The following SAMSN1 variants were observed in gnomAD, a reference collection of about 807,000 sequenced individuals.
SAMSN1 encodes the protein SAM domain, SH3 domain and nuclear localization signals 1.
Under a neutral mutation model 42.0 loss-of-function variants are expected in SAMSN1, and 31 were observed. The observed-to-expected ratio is 0.74, with a 90% CI of 0.55 to 1.00. SAMSN1 has a LOEUF of 1.00. SAMSN1 is among the 50% of genes least tolerant of loss of function. The probability of loss-of-function intolerance (pLI) is 0.00; values close to 1 mark genes in which losing one functional copy is unlikely to be tolerated. For synonymous variants in SAMSN1, 178 were observed against 151.9 expected (o/e 1.17, Z -1.26); for missense variants, 464 against 439.4 (o/e 1.06, Z -0.50).
intron 7 of SAMSN1, among the ~76,000 whole-genome samples, chr21:14,497,983 A>G (rs1986980794): frequency 6.6e-6 from 1 of 152,236 alleles, no homozygotes; most frequent in Non-Finnish European, 1.5e-5. Context: ...TTGAAAGAGT[A>G]CTATAAACAT....
chr21:14,619,707 A>G, intron 2 of SAMSN1: 1 of 303,896 alleles, frequency 3.3e-6, no homozygotes, highest in Non-Finnish European at 7.1e-6. Flanking sequence ...AAGATAAAAT[A>G]ATACACACTT....
At chr21:14,508,546 T>C (rs1003362317) in intron 5 of SAMSN1, among the ~76,000 whole-genome samples, 1 of 152,004 alleles carries the variant, frequency 6.6e-6, no homozygotes, top group African/African-American at 2.4e-5. Flanking sequence ...AATCAAAAAA[T>C]TAAAAAATTG....
At chr21:14,625,108 G>C (rs1393960975) in intron 2 of SAMSN1, among the ~76,000 whole-genome samples, 2 of 152,020 alleles carry the variant, frequency 1.3e-5, no homozygotes, top group Non-Finnish European at 2.9e-5. Context: ...CAATAAATTA[G>C]GTATTGATGG....
Position 14,577,257 on chromosome 21 carries a change from TATATATATATATATATATATATATATA to T in SAMSN1, c.261+4852_261+4878del, listed in dbSNP as rs1488359025. Among the ~76,000 whole-genome samples the T allele has an allele frequency of 3.2e-3, 138 of 42,960 alleles. 8 individuals are homozygous for T. The highest frequency in any genetic ancestry group is 0.011 in the African/African-American group (81 of 7,580). 28.2% of individuals were successfully genotyped at this position (42,960 alleles called of 152,430 possible). ...ATGTGTGTATATATATATATATATA[TATATATATATATATATATATATATATA>T]TTTTTTTTTTAGAAGAGACAGGGTT... is the stretch of plus-strand genomic sequence containing the variant. On this transcript the variant is annotated intron_variant, in intron 2 of 8. Transcript: ENST00000285670.
At position 14,521,220 on chromosome 21, in the gene SAMSN1, C is replaced by T. The variant is rs373188793; in HGVS notation, c.59G>A (p.Arg20Gln). 1.8e-5 allele frequency: 29 copies of T among 1,607,366 alleles called. No homozygotes were observed. Among genetic ancestry groups the T allele is most frequent in the African/African-American group, 8.0e-5 (6 of 74,680 alleles). The change falls in exon 2 of 8, where the codon CGA becomes CAA. Residue 20 changes from arginine (R) to glutamine (Q), a missense_variant and splice_region_variant. Coordinates refer to ENST00000400566, the MANE Select transcript of SAMSN1 (RefSeq NM_022136.5). ...ATCGAAATTCCCAAAACTGCTGCTTCGCTATAAAATAGAAAAGAAAAAGCA... is the reference window on the plus strand; with the variant it reads ...ATCGAAATTCCCAAAACTGCTGCTTTGCTATAAAATAGAAAAGAAAAAGCA... ...SEKEKHQKPKRSSSFGNFDRF... is the reference protein window; with the variant it reads ...SEKEKHQKPKQSSSFGNFDRF...
At chr21:14,635,746 A>G (rs1242798511) in intron 2 of SAMSN1, among the ~76,000 whole-genome samples, 1 of 151,934 alleles carries the variant, frequency 6.6e-6, no homozygotes, top group African/African-American at 2.4e-5. Flanking sequence ...GGCAATGATC[A>G]TTAACATGCA....
At position 14,615,869 on chromosome 21, in the gene SAMSN1, A is replaced by G. The variant is rs1185507269; in HGVS notation, c.197+107T>C. On this transcript the variant is annotated intron_variant, in intron 3 of 15. Transcript: ENST00000647101. ...GATTTGTACATGACAGCTGCAAAAA[A>G]AAAAAAAAAAAAAAAAAAAGTACTT... 5 of 282,820 alleles carry G rather than the reference A, an allele frequency of 1.8e-5. No homozygotes were observed. The East Asian group carries it at 2.3e-4, about 13-fold the overall frequency. 17.5% of individuals were successfully genotyped at this position (282,820 alleles called of 1,614,324 possible). A position where few individuals can be genotyped will look rare whatever the true frequency, so the allele number is the denominator to read the frequency against.
At chr21:14,612,131 G>T (rs192050467) in intron 4 of SAMSN1, among the ~76,000 whole-genome samples, 2 of 152,182 alleles carry the variant, frequency 1.3e-5, no homozygotes, top group Admixed American at 6.5e-5. Flanking sequence ...TACTCTGGGG[G>T]CTGAGGCAGG....
In SAMSN1 at chr21:14,605,927, C is replaced by T. The variant is rs1029989951; in HGVS notation, c.322+3555G>A. The stretch of plus-strand genomic sequence containing the variant: ...CGCGATCTGGGTTCACTGCAAGCTC[C>T]GCCTCCCAGGTTCACGCCATTCTCC... On this transcript the variant is annotated intron_variant, in intron 5 of 15. Transcript: ENST00000647101. Among the ~76,000 whole-genome samples, 11 of 151,624 alleles carry T rather than the reference C, an allele frequency of 7.3e-5. 1 individual carries two copies. Among genetic ancestry groups the T allele is most frequent in the Admixed American group, 2.6e-4 (4 of 15,202 alleles).
intron 5 of SAMSN1, among the ~76,000 whole-genome samples, chr21:14,508,990 C>A (rs927109045): frequency 6.6e-5 from 10 of 151,828 alleles, no homozygotes; most frequent in African/African-American, 2.4e-4. Context: ...TAGCTGGGTG[C>A]GGTGGCCTCC....
At chr21:14,618,604 G>A (rs140321635) in intron 2 of SAMSN1, among the ~76,000 whole-genome samples, 115 of 152,108 alleles carry the variant, frequency 7.6e-4, no homozygotes, top group African/African-American at 2.7e-3. Flanking sequence ...TCCTAGAGGG[G>A]CAAGTCAAAG....
At chr21:14,495,964 T>C (rs1986899687) in intron 7 of SAMSN1, 1 of 152,180 alleles carries the variant, frequency 6.6e-6, no homozygotes, top group African/African-American at 2.4e-5. Context: ...GTTCTTTTGC[T>C]AGCATAGAAA....
chr21:14,523,137 A>G (rs1433542689), intron 1 of SAMSN1: 1 of 152,180 alleles, frequency 6.6e-6, no homozygotes, highest in African/African-American at 2.4e-5. Flanking sequence ...TTGTCCTTTC[A>G]GAAATCACAG....
In SAMSN1 at chr21:14,485,931, A is replaced by C. The variant is rs1986415010; in HGVS notation, c.1103T>G (p.Ile368Ser). Residue 368 changes from isoleucine (I) to serine (S), a missense_variant, in exon 8 of 8, where the codon ATC (isoleucine) becomes AGC (serine). By Grantham distance (142) the Ile-to-Ser change is moderately radical. Coordinates refer to ENST00000400566, the MANE Select transcript of SAMSN1 (RefSeq NM_022136.5). ...GCGTGTTCAGTCACTTGGCTCTGTG[A>C]TAATAATCTTATGTACCATGTCAGA... is the stretch of plus-strand genomic sequence containing the variant. ...NLSDMVHKII[I>S]TEPSD is the part of the protein sequence containing the mutation. The C allele has an allele frequency of 1.2e-6, 2 of 1,613,448 alleles. No homozygotes were observed. The highest frequency in any genetic ancestry group is 1.7e-6 in the Non-Finnish European group (2 of 1,179,616).
intron 2 of SAMSN1, among the ~76,000 whole-genome samples, chr21:14,559,661 G>A (rs1022652155): frequency 2.6e-5 from 4 of 151,746 alleles, no homozygotes; most frequent in African/African-American, 9.7e-5. Context: ...CACCATGCCT[G>A]TCTAATTTTT....
chr21:14,498,660 T>C, intron 6 of SAMSN1, 68 bp from the exon 7 acceptor site: 1 of 1,308,778 alleles, frequency 7.6e-7, no homozygotes, highest in Non-Finnish European at 1.0e-6. Context: ...CTCTTTAGAT[T>C]TAAAGAAAGT....
chr21:14,528,964 G>C (rs1045049638), intron 1 of SAMSN1, among the ~76,000 whole-genome samples: 4 of 152,176 alleles, frequency 2.6e-5, no homozygotes, highest in African/African-American at 9.7e-5. Context: ...ATTCACAGAT[G>C]ATGAGAACTG....
At chr21:14,588,985 A>G (rs1249384176) in intron 7 of SAMSN1, among the ~76,000 whole-genome samples, 1 of 152,172 alleles carries the variant, frequency 6.6e-6, no homozygotes, top group Admixed American at 6.5e-5. Flanking sequence ...ACATGTATAT[A>G]CTATGTATTT....
upstream of SAMSN1, among the ~76,000 whole-genome samples, chr21:14,659,407 C>T (rs112472300): frequency 6.6e-6 from 1 of 151,880 alleles, no homozygotes; most frequent in African/African-American, 2.4e-5. Flanking sequence ...TTCATCTTTC[C>T]TAACTCAAAC....
Sources: gnomAD v4.1 joint callset for allele counts (sites outside exome capture counted in the v4.1 genomes callset) on GRCh38, gnomAD v4.1.1 for gene constraint, MANE v1.5 for transcripts, NCBI Gene and HGNC (gene_info 2026-07-23, HGNC 2026-07-21) for gene names.